KCNIP4: variants seen among roughly 807,000 people sequenced by gnomAD.
KCNIP4 encodes Kv channel-interacting protein 4.
In KCNIP4, 12 loss-of-function variants were observed where a neutral mutation model predicts 34.0. The observed-to-expected ratio is 0.35, with a 90% CI of 0.23 to 0.57. The LOEUF (loss-of-function observed/expected upper bound fraction) is 0.57, where lower values mean the gene tolerates loss of function less well. Among genes scored for constraint, KCNIP4 ranks in the 20% least tolerant of loss-of-function variants. The probability of loss-of-function intolerance (pLI) is 0.83; values close to 1 mark genes in which losing one functional copy is unlikely to be tolerated. For missense variants in KCNIP4, 238 were observed against 311.7 expected (o/e 0.76, Z 1.78); for synonymous variants, 124 against 102.2 (o/e 1.21, Z -1.29).
At chr4:21,010,857 T>C (rs554774897) in intron 1 of KCNIP4, among the ~76,000 whole-genome samples, 1 of 152,290 alleles carries the variant, frequency 6.6e-6, no homozygotes, top group African/African-American at 2.4e-5. Context: ...GGATTTTTAT[T>C]TGAAAATAAC....
rs73802460 is a variant in KCNIP4 at position 21,089,667 on chromosome 4, G to A, written c.62-206958C>T. Among the ~76,000 whole-genome samples the A allele has an allele frequency of 6.4e-3, 974 of 152,260 alleles. 5 individuals carry two copies. The highest frequency in any genetic ancestry group is 0.021 in the African/African-American group (868 of 41,550). ...GGCCACAACTTCCACAACAAATCTT[G>A]TTTGCTCACTTCTCTCTCTACTGGG... On this transcript the variant is annotated intron_variant, in intron 1 of 8. Transcript: ENST00000382152.
In KCNIP4 at chr4:20,882,688, C is replaced by A; in HGVS notation, c.83G>T (p.Ser28Ile). The change falls in exon 2 of 9, where the codon AGC (serine) becomes ATC (isoleucine). Residue 28 changes from serine to isoleucine, a missense_variant. Physicochemically the swap from Ser to Ile is moderately radical, Grantham distance 142 (BLOSUM62 -2). Coordinates refer to ENST00000382152, the MANE Select transcript of KCNIP4 (RefSeq NM_025221.6). The part of the protein sequence containing the change: ...STGGFLYAQN[S>I]TKRSIKERLM... ...CCGCTCTTTAATGCTGCGCTTGGTGCTGTTCTGAGCGTACAGGAAACCTAG... is the reference window on the plus strand; with the variant it reads ...CCGCTCTTTAATGCTGCGCTTGGTGATGTTCTGAGCGTACAGGAAACCTAG... The A allele has an allele frequency of 6.2e-7, 1 of 1,613,270 alleles. No homozygotes were observed. Among genetic ancestry groups the A allele is most frequent in the South Asian group, 1.1e-5 (1 of 91,046 alleles).
At chr4:21,523,012 A>C (rs1735671104) in intron 1 of KCNIP4, among the ~76,000 whole-genome samples, 1 of 151,804 alleles carries the variant, frequency 6.6e-6, no homozygotes, top group African/African-American at 2.4e-5. Context: ...CGGAGCCCCC[A>C]TAAGGGGATA....
intron 1 of KCNIP4, among the ~76,000 whole-genome samples, chr4:21,453,825 G>C (rs1179979983): frequency 6.6e-6 from 1 of 152,096 alleles, no homozygotes; most frequent in East Asian, 1.9e-4. Flanking sequence ...CTTTGCCAGG[G>C]AAGCAGTGCT....
intron 1 of KCNIP4, among the ~76,000 whole-genome samples, chr4:21,783,638 T>G (rs1395717449): frequency 6.6e-6 from 1 of 152,142 alleles, no homozygotes; most frequent in Non-Finnish European, 1.5e-5. Flanking sequence ...AAAAGGACAT[T>G]TAAGCATAAC....
At chr4:21,809,658 A>G (rs948606447) in intron 1 of KCNIP4, among the ~76,000 whole-genome samples, 1 of 152,192 alleles carries the variant, frequency 6.6e-6, no homozygotes, top group Non-Finnish European at 1.5e-5. Flanking sequence ...ATTATTTTGC[A>G]TATACCTAAT....
chr4:21,847,613 A>G (rs1471982861), intron 1 of KCNIP4: 1 of 152,112 alleles, frequency 6.6e-6, no homozygotes, highest in Non-Finnish European at 1.5e-5. Flanking sequence ...TAGCAATATT[A>G]TCTGTAATAA....
chr4:20,925,237 G>C (rs1468283580), intron 1 of KCNIP4, among the ~76,000 whole-genome samples: 1 of 152,076 alleles, frequency 6.6e-6, no homozygotes, highest in African/African-American at 2.4e-5. Flanking sequence ...ATTTGAATCA[G>C]AGCAACTCCA....
intron 1 of KCNIP4, among the ~76,000 whole-genome samples, chr4:21,063,404 C>T (rs1744092793): frequency 6.6e-6 from 1 of 152,138 alleles, no homozygotes; most frequent in Non-Finnish European, 1.5e-5. Flanking sequence ...TATGTCAGTC[C>T]TTCACAGTTT....
intron 1 of KCNIP4, among the ~76,000 whole-genome samples, chr4:21,230,348 AAATTT>A (rs137856357): frequency 0.023 from 3,542 of 152,176 alleles, 135 homozygotes; most frequent in African/African-American, 0.081. Context: ...TATTATTTTT[AAATTT>A]AATTTAAGTT....
intron 1 of KCNIP4, among the ~76,000 whole-genome samples, chr4:21,458,001 T>A (rs1027899231): frequency 1.3e-5 from 2 of 151,952 alleles, no homozygotes; most frequent in Non-Finnish European, 2.9e-5. Context: ...GGTAACACTT[T>A]TTTTTTTATA....
At chr4:21,684,312 T>C (rs899579564) in intron 1 of KCNIP4, among the ~76,000 whole-genome samples, 1 of 152,166 alleles carries the variant, frequency 6.6e-6, no homozygotes, top group Non-Finnish European at 1.5e-5. Context: ...AGGGTAGTCT[T>C]TGTGCATTGG....
chr4:20,839,943 G>A (rs1719521369), intron 3 of KCNIP4, among the ~76,000 whole-genome samples: 1 of 152,142 alleles, frequency 6.6e-6, no homozygotes, highest in African/African-American at 2.4e-5. Flanking sequence ...AGAAAGGCCT[G>A]CTTGCAAGGC....
intron 1 of KCNIP4, among the ~76,000 whole-genome samples, chr4:21,860,295 G>A (rs1425118535): frequency 3.3e-5 from 5 of 151,978 alleles, no homozygotes; most frequent in Admixed American, 6.6e-5. Flanking sequence ...CACCACACCC[G>A]GCTGATTTTT....
intron 1 of KCNIP4, among the ~76,000 whole-genome samples, chr4:21,140,566 C>T (rs1005057384): frequency 6.6e-6 from 1 of 152,102 alleles, no homozygotes; most frequent in Non-Finnish European, 1.5e-5. Flanking sequence ...CAACGCACCC[C>T]GCTATTCTAA....
intron 1 of KCNIP4, among the ~76,000 whole-genome samples, chr4:21,770,501 T>C (rs1187742818): frequency 6.6e-6 from 1 of 152,194 alleles, no homozygotes; most frequent in Admixed American, 6.5e-5. Flanking sequence ...AAATGGTATT[T>C]CTGGTTCTAG....
At chr4:21,474,234 G>T (rs999035615) in intron 1 of KCNIP4, among the ~76,000 whole-genome samples, 1 of 151,900 alleles carries the variant, frequency 6.6e-6, no homozygotes, top group African/African-American at 2.4e-5. Flanking sequence ...CAGGCAAGAC[G>T]AAAAAAATGA....
chr4:21,170,842 T>C (rs17513252), intron 1 of KCNIP4, among the ~76,000 whole-genome samples: 16,872 of 151,092 alleles, frequency 0.11, 1,040 homozygotes, highest in East Asian at 0.19. Context: ...TTCATAGATA[T>C]GGAAGTTTGA....
At chr4:21,442,834 T>C (rs1727607030) in intron 1 of KCNIP4, among the ~76,000 whole-genome samples, 1 of 152,202 alleles carries the variant, frequency 6.6e-6, no homozygotes, top group African/African-American at 2.4e-5. Context: ...TTCACCTCTA[T>C]GTTATGGACA....
Sources: gnomAD v4.1 joint callset for allele counts (sites outside exome capture counted in the v4.1 genomes callset) on GRCh38, gnomAD v4.1.1 for gene constraint, MANE v1.5 for transcripts, NCBI Gene and HGNC (gene_info 2026-07-23, HGNC 2026-07-21) for gene names.